The following MUC17 variants were observed in gnomAD, a reference collection of about 807,000 sequenced individuals.
The protein encoded by MUC17 is mucin 17, cell surface associated.
In MUC17, 190 loss-of-function variants were observed where a neutral mutation model predicts 170.3. The ratio of observed to expected loss-of-function variants is 1.12; its 90% CI spans 0.99 to 1.26. The LOEUF is 1.26. Ranked by LOEUF, MUC17 falls within the 50% of genes most tolerant of loss-of-function variation. The pLI is 0.00. For missense variants in MUC17, 6,415 were observed against 5,530.0 expected (o/e 1.16, Z -5.08); for synonymous variants, 2,325 against 2,002.5 (o/e 1.16, Z -4.30).
intron 1 of MUC17, among the ~76,000 whole-genome samples, chr7:101,029,698 A>G (rs1794243273): frequency 6.6e-6 from 1 of 151,912 alleles, no homozygotes; most frequent in Admixed American, 6.6e-5. Context: ...TCCCAGGCTC[A>G]AGCAATCCTC....
rs2116454094 is a variant in MUC17, at chr7:101,041,647, G to T, written c.10231G>T (p.Val3411Leu). 1 of 1,614,030 alleles carries T rather than the reference G, an allele frequency of 6.2e-7. No homozygotes were observed. Among genetic ancestry groups the T allele is most frequent in the Non-Finnish European group, 8.5e-7 (1 of 1,179,950 alleles). Residue 3411 changes from valine (V) to leucine (L), a missense_variant, in exon 3 of 13, where the codon GTG becomes TTG. Coordinates refer to ENST00000306151, the MANE Select transcript of MUC17 (RefSeq NM_001040105.2). ...AAGTATGCCTGTCAGCACCACGCCG[G>T]TGGTCAGTTCTGAGGTTAACACCCT... ...LASMPVSTTP[V>L]VSSEVNTLST...
chr7:101,033,033 C>T lies in MUC17; in HGVS notation c.1617C>T (p.Ser539=). ...STLSTTPVDT[S]TPVTTSSEAS... is the part of the protein sequence containing the mutation. ...TTTCAACAACTCCTGTTGACACCAG[C>T]ACACCTGTGACCACTTCTAGTGAAG... is the stretch of plus-strand genomic sequence containing the variant. Residue 539 remains serine (S), a synonymous_variant, in exon 3 of 13, where the codon AGC becomes AGT. Coordinates refer to ENST00000306151, the MANE Select transcript of MUC17 (RefSeq NM_001040105.2). 6.2e-7 allele frequency: 1 copy of T among 1,613,440 alleles called. No individual in the cohort carries two copies. The highest frequency in any genetic ancestry group is 8.5e-7 in the Non-Finnish European group (1 of 1,179,926).
At chr7:101,049,651 TC>T (rs1307294865) in intron 6 of MUC17, among the ~76,000 whole-genome samples, 1 of 152,152 alleles carries the variant, frequency 6.6e-6, no homozygotes, top group Non-Finnish European at 1.5e-5. Flanking sequence ...CTTTGCATGG[TC>T]TTTCCTCTGT....
Position 101,033,767 on chromosome 7 carries a change from C to G in MUC17, c.2351C>G (p.Ala784Gly), listed in dbSNP as rs759533640. ...ACACATATCACCACTTCTACTGAAG[C>G]CAGTTGCTCTCCTACAACCACTGAA... ...TSTHITTSTE[A>G]SCSPTTTEGT... The change falls in exon 3 of 13, where the codon GCC (alanine) becomes GGC (glycine). Residue 784 changes from alanine to glycine, a missense_variant. Physicochemically the swap from Ala to Gly is moderately conservative, Grantham distance 60 (BLOSUM62 0). Coordinates refer to ENST00000306151, the MANE Select transcript of MUC17 (RefSeq NM_001040105.2). 3 of 1,614,010 alleles carry G rather than the reference C, an allele frequency of 1.9e-6. No individual in the cohort carries two copies. The highest frequency in any genetic ancestry group is 4.5e-5 in the East Asian group (2 of 44,878).
intron 4 of MUC17, 127 bp from the exon 5 acceptor site, chr7:101,048,718 G>T (rs954838586): frequency 6.4e-6 from 6 of 939,956 alleles, no homozygotes; most frequent in South Asian, 1.9e-5. Flanking sequence ...GTGTATTTTG[G>T]ATACAAATTT....
rs749187434 is a variant in MUC17 at position 101,020,189 on chromosome 7, C to T, written c.54C>T (p.Leu18=). Residue 18 remains leucine (L), a synonymous_variant, in exon 1 of 13, where the codon CTC becomes CTT. Coordinates refer to ENST00000306151, the MANE Select transcript of MUC17 (RefSeq NM_001040105.2). ...ALCLLTLVLS[L]LPPQAAAEQD... Reference sequence around the variant, plus strand: ...GTCTGCTGACCTTGGTCCTCTCGCTCTTGCCCCCACAAGCTGCTGCAGAAC... The same window carrying T: ...GTCTGCTGACCTTGGTCCTCTCGCTTTTGCCCCCACAAGCTGCTGCAGAAC... The T allele has an allele frequency of 2.5e-6, 4 of 1,609,902 alleles. No individual in the cohort carries two copies. The highest frequency in any genetic ancestry group is 1.3e-5 in the African/African-American group (1 of 74,794).
Position 101,037,200 on chromosome 7 carries a change from A to G in MUC17, c.5784A>G (p.Leu1928=), listed in dbSNP as rs1231071038. The part of the protein sequence containing the change: ...TSTPREGRPP[L]TSIPVSTTTV... ...CTCCTAGGGAAGGAAGGCCTCCATTAACAAGTATACCTGTCAGCACCACAA... is the reference window on the plus strand; with the variant it reads ...CTCCTAGGGAAGGAAGGCCTCCATTGACAAGTATACCTGTCAGCACCACAA... Residue 1928 remains leucine (L), a synonymous_variant, in exon 3 of 13, where the codon TTA becomes TTG. Coordinates refer to ENST00000306151, the MANE Select transcript of MUC17 (RefSeq NM_001040105.2). 3.1e-6 allele frequency: 5 copies of G among 1,613,364 alleles called. No homozygotes were observed. The highest frequency in any genetic ancestry group is 4.2e-6 in the Non-Finnish European group (5 of 1,179,728).
rs1267458117 is a variant in MUC17 at position 101,053,047 on chromosome 7, A to G, written c.13165A>G (p.Ser4389Gly). 3.1e-6 allele frequency: 5 copies of G among 1,614,122 alleles called. No individual in the cohort carries two copies. Among genetic ancestry groups the G allele is most frequent in the Non-Finnish European group, 4.2e-6 (5 of 1,180,022 alleles). Residue 4389 changes from serine to glycine, a missense_variant, in exon 10 of 13, where the codon AGT becomes GGT. Transcript: ENST00000306151. ...GETCNQGTQK[S>G]LVYGLVGAGV... is the part of the protein sequence containing the mutation. ...GACCTGTAACCAGGGCACCCAGAAG[A>G]GTCTGGTGTACGGCCTCGTGGGGGC...
At position 101,056,221 on chromosome 7, in the gene MUC17, T is replaced by C; in HGVS notation, c.13391T>C (p.Ile4464Thr). The change falls in exon 12 of 13, where the codon ATC becomes ACC. Residue 4464 changes from isoleucine to threonine, a missense_variant. By Grantham distance (89) the Ile-to-Thr change is moderately conservative. Coordinates refer to ENST00000306151, the MANE Select transcript of MUC17 (RefSeq NM_001040105.2). ...GATGATTCCATCCACCTGGAGTCCATCTATAGTAATTTCCAGCCCTCCTTG... is the reference window on the plus strand; with the variant it reads ...GATGATTCCATCCACCTGGAGTCCACCTATAGTAATTTCCAGCCCTCCTTG... ...QDDDSIHLES[I>T]YSNFQPSLRH... is the part of the protein sequence containing the mutation. The C allele has an allele frequency of 1.9e-6, 3 of 1,613,990 alleles. No homozygotes were observed. The highest frequency in any genetic ancestry group is 2.5e-6 in the Non-Finnish European group (3 of 1,179,920).
At position 101,034,076 on chromosome 7, in the gene MUC17, C is replaced by G; in HGVS notation, c.2660C>G (p.Thr887Arg). 1 of 1,584,720 alleles carries G rather than the reference C, an allele frequency of 6.3e-7. No homozygotes were observed. The highest frequency in any genetic ancestry group is 8.6e-7 in the Non-Finnish European group (1 of 1,165,152). ...ACTTCTGCAATCAGCACCCTTTCAA[C>G]AACTCCTGTTGACACCAGCACACCT... ...VATSAISTLS[T>R]TPVDTSTPVT... The change falls in exon 3 of 13, where the codon ACA (threonine) becomes AGA (arginine). Residue 887 changes from threonine to arginine, a missense_variant. Physicochemically the swap from Thr to Arg is moderately conservative, Grantham distance 71. Transcript: ENST00000306151.
chr7:101,033,845 G>A lies in MUC17; in HGVS notation c.2429G>A (p.Ser810Asn), dbSNP rs748625995. 42 of 1,613,490 alleles carry A rather than the reference G, an allele frequency of 2.6e-5. No individual in the cohort carries two copies. The highest frequency in any genetic ancestry group is 3.5e-5 in the Non-Finnish European group (41 of 1,179,898). ...AGTGAAGGAAGTCCTTTATTAACAA[G>A]TATACCTGTCAGCATCACACCGGTG... ...TPSEGSPLLT[S>N]IPVSITPVTS... The change falls in exon 3 of 13, where the codon AGT (serine) becomes AAT (asparagine). Residue 810 changes from serine to asparagine, a missense_variant. By Grantham distance (46) the Ser-to-Asn change is conservative. Transcript: ENST00000306151.
intron 6 of MUC17, 38 bp from the exon 7 acceptor site, chr7:101,050,446 C>T (rs755138647): frequency 3.1e-5 from 50 of 1,600,056 alleles, no homozygotes; most frequent in Non-Finnish European, 4.2e-5. Flanking sequence ...GGTAAGCACC[C>T]TATTCTGACC....
Position 101,041,468 on chromosome 7 carries a change from C to T in MUC17, c.10052C>T (p.Pro3351Leu), listed in dbSNP as rs199645168. The T allele has an allele frequency of 3.0e-5, 49 of 1,613,546 alleles. No individual in the cohort carries two copies. Among genetic ancestry groups the T allele is most frequent in the Middle Eastern group, 1.6e-4 (1 of 6,084 alleles). Residue 3351 changes from proline to leucine, a missense_variant, in exon 3 of 13, where the codon CCA becomes CTA. Pro to Leu is a moderately conservative substitution (Grantham distance 98, BLOSUM62 -3). Transcript: ENST00000306151. ...ACAAATATGTCTTTCAGCACCACGC[C>T]AGTGGTCAGTTCTGAGGCTAGCACC... ...PLTNMSFSTTPVVSSEASTLS... is the reference protein window; with the variant it reads ...PLTNMSFSTTLVVSSEASTLS...
Position 101,038,787 on chromosome 7 carries a change from G to T in MUC17, c.7371G>T (p.Pro2457=). 1.3e-6 allele frequency: 2 copies of T among 1,590,488 alleles called. No homozygotes were observed. Among genetic ancestry groups the T allele is most frequent in the African/African-American group, 2.9e-5 (2 of 69,300 alleles). Residue 2457 remains proline (P), a synonymous_variant, in exon 3 of 13, where the codon CCG becomes CCT. Transcript: ENST00000306151. ...CACCTCCTAGTGAAGGAACCACTCCGTTAGCAAGTATGCCTGTCAGCACCA... is the reference window on the plus strand; with the variant it reads ...CACCTCCTAGTGAAGGAACCACTCCTTTAGCAAGTATGCCTGTCAGCACCA... ...PTSPPSEGTT[P]LASMPVSTTP...
rs2116430402 is a variant in MUC17, at chr7:101,036,826, A to G, written c.5410A>G (p.Ser1804Gly). The G allele has an allele frequency of 6.2e-7, 1 of 1,605,592 alleles. No homozygotes were observed. Residue 1804 changes from serine to glycine, a missense_variant, in exon 3 of 13, where the codon AGT (serine) becomes GGT (glycine). Transcript: ENST00000306151. ...EGTSIPTSTL[S>G]EGMTPLTSTP... is the part of the protein sequence containing the mutation. ...TACCAGCATACCAACCTCGACTCTT[A>G]GTGAAGGAATGACTCCATTAACAAG...
rs1428039887 is a variant in MUC17, at chr7:101,043,630, A to G, written c.12214A>G (p.Ser4072Gly). 2 of 1,614,064 alleles carry G rather than the reference A, an allele frequency of 1.2e-6. No homozygotes were observed. Among genetic ancestry groups the G allele is most frequent in the Non-Finnish European group, 1.7e-6 (2 of 1,179,990 alleles). Reference sequence around the variant, plus strand: ...ACCTACATTTCCTCCTGCTCACTCCAGTACACCTCCAACAACCTCTGCCTC... The same window carrying G: ...ACCTACATTTCCTCCTGCTCACTCCGGTACACCTCCAACAACCTCTGCCTC... ...IPPTFPPAHS[S>G]TPPTTSASST... Residue 4072 changes from serine to glycine, a missense_variant, in exon 3 of 13, where the codon AGT (serine) becomes GGT (glycine). Physicochemically the swap from Ser to Gly is moderately conservative, Grantham distance 56 (BLOSUM62 0). Coordinates refer to ENST00000306151, the MANE Select transcript of MUC17 (RefSeq NM_001040105.2).
rs779130569 is a variant in MUC17 at position 101,042,094 on chromosome 7, A to G, written c.10678A>G (p.Thr3560Ala). 6.2e-7 allele frequency: 1 copy of G among 1,613,962 alleles called. No homozygotes were observed. Among genetic ancestry groups the G allele is most frequent in the Non-Finnish European group, 8.5e-7 (1 of 1,180,002 alleles). The change falls in exon 3 of 13, where the codon ACT becomes GCT. Residue 3560 changes from threonine to alanine, a missense_variant. Physicochemically the swap from Thr to Ala is moderately conservative, Grantham distance 58 (BLOSUM62 0). Transcript: ENST00000306151. ...SSSQASSSPA[T>A]LQVTTMRMST... ...TAGTCAAGCCAGTTCATCTCCAGCA[A>G]CTCTTCAGGTCACCACTATGCGTAT...
At chr7:101,051,507 TC>T in intron 7 of MUC17, 105 bp from the exon 8 acceptor site, 1 of 1,020,442 alleles carries the variant, frequency 9.8e-7, no homozygotes, top group Non-Finnish European at 1.4e-6. Context: ...GATTCCCACC[TC>T]CCCATCGCAG....
chr7:101,047,554 G>A (rs1794863245), intron 3 of MUC17, among the ~76,000 whole-genome samples: 1 of 152,184 alleles, frequency 6.6e-6, no homozygotes, highest in Non-Finnish European at 1.5e-5. Flanking sequence ...TCGGAGCCGG[G>A]CGCAGTGGCT....
Sources: allele counts gnomAD v4.1 joint callset (sites outside exome capture counted in the v4.1 genomes callset), GRCh38; gene constraint gnomAD v4.1.1; transcripts MANE v1.5; gene names NCBI Gene and HGNC (gene_info 2026-07-23, HGNC 2026-07-21).